ANKRD36: variants seen among roughly 807,000 people sequenced by gnomAD.
The protein encoded by ANKRD36 is ankyrin repeat domain-containing protein 36A.
Under a neutral mutation model 278.1 loss-of-function variants are expected in ANKRD36, and 179 were observed. That is an observed-to-expected ratio of 0.64 (90% CI 0.57 to 0.73). The LOEUF is 0.73. Among genes scored for constraint, ANKRD36 ranks in the 30% least tolerant of loss-of-function variants. The probability of loss-of-function intolerance (pLI) is 0.00; values close to 1 mark genes in which losing one functional copy is unlikely to be tolerated. For synonymous variants in ANKRD36, 320 were observed against 641.1 expected (o/e 0.50, Z 7.57); for missense variants, 1,159 against 1,956.7 (o/e 0.59, Z 7.69).
intron 24 of ANKRD36, among the ~76,000 whole-genome samples, 151 bp downstream of exon 24, chr2:97,180,084 C>T (rs907939051): frequency 6.6e-6 from 1 of 151,404 alleles, no homozygotes; most frequent in African/African-American, 2.4e-5. Context: ...CTCAGGTGAC[C>T]CTGATGCTGC....
At chr2:97,133,793 A>C (rs1179691601) in intron 6 of ANKRD36, among the ~76,000 whole-genome samples, 1 of 152,066 alleles carries the variant, frequency 6.6e-6, no homozygotes, top group Admixed American at 6.6e-5. Flanking sequence ...TATTCTCAGC[A>C]ATATTGAAAA....
In ANKRD36 at chr2:97,118,530, C is replaced by G. The variant is rs1385448366; in HGVS notation, c.486+13C>G. On this transcript the variant is annotated intron_variant, in intron 3 of 75. Coordinates refer to ENST00000420699, the MANE Select transcript of ANKRD36 (RefSeq NM_001354587.1). ...AGAATGCAGCAAGGTATAGGTCAAC[C>G]AATGTTATTTTCAAACTATCTGAAA... is the stretch of plus-strand genomic sequence containing the variant. 1 of 1,524,560 alleles carries G rather than the reference C, an allele frequency of 6.6e-7. No individual in the cohort carries two copies. Among genetic ancestry groups the G allele is most frequent in the African/African-American group, 1.4e-5 (1 of 71,222 alleles). 94.4% of individuals were successfully genotyped at this position (1,524,560 alleles called of 1,614,324 possible).
rs1300198139 is a variant in ANKRD36 at position 97,198,624 on chromosome 2, C to T, written c.2721C>T (p.Ala907=). The T allele has an allele frequency of 2.6e-6, 4 of 1,545,134 alleles. No homozygotes were observed. The Admixed American group carries it at 7.9e-5, about 30-fold the overall frequency. The change falls in exon 44 of 76, where the codon GCC becomes GCT. Residue 907 remains alanine (A), a synonymous_variant. Coordinates refer to ENST00000420699, the MANE Select transcript of ANKRD36 (RefSeq NM_001354587.1). ...SAEKDSVLNI[A]RGKKDGEKTK... ...AGAAAGATTCTGTTTTGAATATAGC[C>T]AGAGGAAAAAAGGATGGAGAAAAAA...
intron 20 of ANKRD36, among the ~76,000 whole-genome samples, chr2:97,165,836 C>G (rs1466901084): frequency 6.6e-6 from 1 of 152,326 alleles, no homozygotes; most frequent in Non-Finnish European, 1.5e-5. Context: ...GTCCATGGCA[C>G]TCTGATCTCT....
chr2:97,196,562 T>C (rs749018079), intron 40 of ANKRD36, 31 bp from the exon 41 acceptor site: 1 of 1,603,916 alleles, frequency 6.2e-7, no homozygotes, highest in South Asian at 1.1e-5. Context: ...TATTTATGTA[T>C]GACTGATTAT....
chr2:97,155,671 A>T (rs953639275), intron 15 of ANKRD36, among the ~76,000 whole-genome samples: 2 of 145,972 alleles, frequency 1.4e-5, no homozygotes, highest in Non-Finnish European at 3.1e-5. Context: ...CGTTGTAATT[A>T]AAAAAAATCC....
rs1285116203 is a variant in ANKRD36 at position 97,194,980 on chromosome 2, TA to T, written c.2551+66del. The T allele has an allele frequency of 2.6e-6, 4 of 1,528,324 alleles. No individual in the cohort carries two copies. In the East Asian group the frequency reaches 9.8e-5, roughly 38 times the overall value. The allele number at this position is 1,528,324 out of a possible 1,614,324, so 94.7% of individuals were successfully genotyped here. On this transcript the variant is annotated intron_variant, in intron 40 of 75. Coordinates refer to ENST00000420699, the MANE Select transcript of ANKRD36 (RefSeq NM_001354587.1). ...CAGACAAGAAGTTCTCTTCCCCGAA[TA>T]AATCAGTGGGGGGCTGGTCAAAGAT... is the stretch of plus-strand genomic sequence containing the variant.
At chr2:97,207,301 T>A (rs368948150) in intron 52 of ANKRD36, among the ~76,000 whole-genome samples, 1 of 151,508 alleles carries the variant, frequency 6.6e-6, no homozygotes, top group South Asian at 2.1e-4. Flanking sequence ...TTTAGGTCAC[T>A]TCCACTGAAG....
intron 17 of ANKRD36, among the ~76,000 whole-genome samples, chr2:97,158,929 A>T (rs546907758): frequency 2.0e-5 from 3 of 152,096 alleles, no homozygotes; most frequent in African/African-American, 7.2e-5. Flanking sequence ...CTAAAAGGTC[A>T]TGGGAGTAAA....
At position 97,164,285 on chromosome 2, in the gene ANKRD36, T is replaced by C; in HGVS notation, c.1432T>C (p.Ser478Pro). 6.5e-7 allele frequency: 1 copy of C among 1,534,106 alleles called. No homozygotes were observed. The change falls in exon 19 of 76, where the codon TCT becomes CCT. Residue 478 changes from serine to proline, a missense_variant and splice_region_variant. Ser to Pro is a moderately conservative substitution (Grantham distance 74). Transcript: ENST00000420699. ...TATGTGTTCCTTTTGCTTTGTAGTG[T>C]CTCCTGAGCAACCGCCTTTATTCAC... is the stretch of plus-strand genomic sequence containing the variant. ...LPATGQKANV[S>P]PEQPPLFTHT...
intron 66 of ANKRD36, among the ~76,000 whole-genome samples, chr2:97,219,733 GC>G (rs1410726528): frequency 7.4e-6 from 1 of 135,704 alleles, no homozygotes; most frequent in African/African-American, 3.0e-5. Context: ...CTCCCGCCTC[GC>G]CCTCCCAAAG....
At chr2:97,154,501 G>A (rs1340281777) in intron 14 of ANKRD36, among the ~76,000 whole-genome samples, 174 bp from the exon 15 acceptor site, 1 of 146,508 alleles carries the variant, frequency 6.8e-6, no homozygotes, top group Admixed American at 6.8e-5. Context: ...TTCTAAAATG[G>A]AAGCCATATC....
At chr2:97,199,419 T>G (rs1201196028) in intron 44 of ANKRD36, among the ~76,000 whole-genome samples, 1 of 151,882 alleles carries the variant, frequency 6.6e-6, no homozygotes, top group Admixed American at 6.6e-5. Context: ...AGGAGCTACC[T>G]GTTGGATAAA....
rs2054272383 is a variant in ANKRD36, at chr2:97,176,429, A to G, written c.1634-3309A>G. Among the ~76,000 whole-genome samples the G allele has an allele frequency of 2.5e-5, 3 of 118,896 alleles. 1 individual carries two copies. The South Asian group carries it at 7.0e-4, about 28-fold the overall frequency. 78.0% of individuals were successfully genotyped at this position (118,896 alleles called of 152,430 possible). ...TTGTTGGTTAAAAGTCTGTTTTATC[A>G]GAGACTAGGATTGCAACCCCTGCCT... On this transcript the variant is annotated intron_variant, in intron 22 of 75. Transcript: ENST00000420699.
intron 16 of ANKRD36, among the ~76,000 whole-genome samples, 180 bp downstream of exon 16, chr2:97,158,347 C>A (rs1320379206): frequency 6.6e-6 from 1 of 152,184 alleles, no homozygotes; most frequent in Non-Finnish European, 1.5e-5. Flanking sequence ...CCTGCCTCAG[C>A]CTCCTGAGTA....
chr2:97,199,778 C>T (rs1162942329), intron 44 of ANKRD36, among the ~76,000 whole-genome samples: 1 of 151,872 alleles, frequency 6.6e-6, no homozygotes, highest in African/African-American at 2.4e-5. Context: ...ATATTATGTA[C>T]TAGGTATCAG....
In ANKRD36 at chr2:97,207,927, C is replaced by T. The variant is rs1457123618; in HGVS notation, c.3193-7C>T. ...TAATTTATTATTTCATTTGAAATTC[C>T]ATTCAGGCTACAAGTGCCGAGAAAG... On this transcript the variant is annotated splice_polypyrimidine_tract_variant and splice_region_variant and intron_variant, in intron 53 of 75. Transcript: ENST00000420699. 1 of 1,530,368 alleles carries T rather than the reference C, an allele frequency of 6.5e-7. No homozygotes were observed. The highest frequency in any genetic ancestry group is 8.8e-7 in the Non-Finnish European group (1 of 1,136,382). The allele number at this position is 1,530,368 out of a possible 1,614,324, so 94.8% of individuals were successfully genotyped here.
chr2:97,207,450 G>T (rs952392392), intron 52 of ANKRD36, among the ~76,000 whole-genome samples: 2 of 151,496 alleles, frequency 1.3e-5, no homozygotes, highest in African/African-American at 4.8e-5. Flanking sequence ...AGACATGTGG[G>T]ATCATGTAGC....
At position 97,179,944 on chromosome 2, in the gene ANKRD36, A is replaced by G. The variant is rs1267203333; in HGVS notation, c.1735+11A>G. On this transcript the variant is annotated intron_variant, in intron 24 of 75. Coordinates refer to ENST00000420699, the MANE Select transcript of ANKRD36 (RefSeq NM_001354587.1). ...CAATATCTGGGACAGGTAATTTTGC[A>G]AAACACATCTAATGTCATGTTCAAT... 6.2e-7 allele frequency: 1 copy of G among 1,604,476 alleles called. No homozygotes were observed. Among genetic ancestry groups the G allele is most frequent in the East Asian group, 2.2e-5 (1 of 44,788 alleles).
Sources: gnomAD v4.1 joint callset for allele counts (sites outside exome capture counted in the v4.1 genomes callset) on GRCh38, gnomAD v4.1.1 for gene constraint, MANE v1.5 for transcripts, NCBI Gene and HGNC (gene_info 2026-07-23, HGNC 2026-07-21) for gene names.